Variants in RIT2 observed in about 807,000 individuals in gnomAD.
RIT2 encodes GTP-binding protein Rit2.
Under a neutral mutation model 23.7 loss-of-function variants are expected in RIT2, and 24 were observed. The observed-to-expected ratio is 1.01, with a 90% CI of 0.73 to 1.43. The LOEUF is 1.43. Among genes scored for constraint, RIT2 ranks in the 40% most tolerant of loss-of-function variants. The probability of loss-of-function intolerance (pLI) is 0.00; values close to 1 mark genes in which losing one functional copy is unlikely to be tolerated. For missense variants in RIT2, 236 were observed against 266.9 expected (o/e 0.88, Z 0.81); for synonymous variants, 107 against 91.1 (o/e 1.17, Z -0.99).
intron 1 of RIT2, among the ~76,000 whole-genome samples, chr18:43,109,101 G>A (rs895991052): frequency 6.6e-6 from 1 of 152,184 alleles, no homozygotes; most frequent in African/African-American, 2.4e-5. Flanking sequence ...GAGGTGGAAG[G>A]AATTGGTTGT....
intron 1 of RIT2, among the ~76,000 whole-genome samples, chr18:43,100,234 A>C (rs963741612): frequency 2.0e-5 from 3 of 152,128 alleles, no homozygotes; most frequent in Admixed American, 1.3e-4. Flanking sequence ...CTTGAAAAAG[A>C]TAGAGTAAGC....
At chr18:42,910,443 G>A (rs565167573) in intron 4 of RIT2, among the ~76,000 whole-genome samples, 1 of 152,136 alleles carries the variant, frequency 6.6e-6, no homozygotes, top group Middle Eastern at 3.4e-3. Context: ...TGTCAAGCCT[G>A]GAAACCCACA....
chr18:42,879,061 T>C (rs1054613440), intron 4 of RIT2, among the ~76,000 whole-genome samples: 2 of 152,244 alleles, frequency 1.3e-5, no homozygotes, highest in Admixed American at 6.5e-5. Flanking sequence ...TTTCTCTCAA[T>C]ATATTTAAAT....
intron 4 of RIT2, among the ~76,000 whole-genome samples, chr18:42,753,434 G>C (rs1207095857): frequency 6.6e-6 from 1 of 152,170 alleles, no homozygotes; most frequent in African/African-American, 2.4e-5. Flanking sequence ...GAGACTGGCA[G>C]AAAGATGGGT....
At chr18:42,744,469 CAAT>C (rs1216534465) in intron 4 of RIT2, among the ~76,000 whole-genome samples, 3 of 152,096 alleles carry the variant, frequency 2.0e-5, no homozygotes, top group Non-Finnish European at 4.4e-5. Context: ...TTCAAAAAAG[CAAT>C]ATAGCAAAGT....
intron 4 of RIT2, among the ~76,000 whole-genome samples, chr18:42,744,146 T>C (rs1912864077): frequency 6.6e-6 from 1 of 151,904 alleles, no homozygotes; most frequent in Non-Finnish European, 1.5e-5. Flanking sequence ...TTGACTGTAA[T>C]TTTCCTTTAC....
At chr18:43,057,504 T>C (rs1912532388) in intron 1 of RIT2, among the ~76,000 whole-genome samples, 2 of 152,186 alleles carry the variant, frequency 1.3e-5, no homozygotes. Context: ...ATGAATCTCA[T>C]GTTTCAACAC....
intron 4 of RIT2, among the ~76,000 whole-genome samples, chr18:42,756,855 T>G (rs1913175637): frequency 6.6e-6 from 1 of 150,398 alleles, no homozygotes; most frequent in African/African-American, 2.4e-5. Flanking sequence ...TTTTATTATT[T>G]AATCTATTCT....
intron 2 of RIT2, among the ~76,000 whole-genome samples, chr18:43,001,125 T>C (rs909339218): frequency 1.3e-5 from 2 of 152,044 alleles, no homozygotes; most frequent in South Asian, 2.1e-4. Context: ...TGCAGTGGGA[T>C]AGCACTCTGA....
chr18:43,100,551 T>C (rs1913659485), intron 1 of RIT2, among the ~76,000 whole-genome samples: 1 of 152,074 alleles, frequency 6.6e-6, no homozygotes, highest in Admixed American at 6.6e-5. Context: ...AATTGAAACA[T>C]GGAGAAGGGC....
In RIT2 at chr18:42,796,451, C is replaced by G. The variant is rs575768631; in HGVS notation, c.427-52731G>C. Among the ~76,000 whole-genome samples the G allele has an allele frequency of 3.2e-5, 4 of 126,030 alleles. No individual in the cohort carries two copies. In the East Asian group the frequency reaches 7.6e-4, roughly 24 times the overall value. 82.7% of individuals were successfully genotyped at this position (126,030 alleles called of 152,430 possible). A position where few individuals can be genotyped will look rare whatever the true frequency, so the allele number is the denominator to read the frequency against. ...GCTTCATTCTTGAAGTCAGTGAGAC[C>G]AAGAACCCACCAATTCCGGACACAG... On this transcript the variant is annotated intron_variant, in intron 4 of 4. Transcript: ENST00000326695.
intron 4 of RIT2, among the ~76,000 whole-genome samples, chr18:42,784,404 T>C (rs978324320): frequency 6.6e-6 from 1 of 152,084 alleles, no homozygotes; most frequent in Non-Finnish European, 1.5e-5. Flanking sequence ...CTTTTAGCTG[T>C]CAGGCAAATT....
intron 1 of RIT2, among the ~76,000 whole-genome samples, chr18:43,047,812 G>T (rs1355100064): frequency 1.3e-5 from 2 of 152,050 alleles, no homozygotes; most frequent in African/African-American, 4.8e-5. Context: ...TTAAAGTTTT[G>T]CTTGCTTTGT....
At chr18:42,755,062 A>T (rs1195723895) in intron 4 of RIT2, among the ~76,000 whole-genome samples, 1 of 152,170 alleles carries the variant, frequency 6.6e-6, no homozygotes, top group African/African-American at 2.4e-5. Flanking sequence ...TGGTAATAGG[A>T]TTCAATGAGC....
At chr18:42,855,214 C>T (rs546913052) in intron 4 of RIT2, among the ~76,000 whole-genome samples, 4 of 152,230 alleles carry the variant, frequency 2.6e-5, no homozygotes, top group South Asian at 4.2e-4. Flanking sequence ...CTTGAGATAA[C>T]AAGGCCTGGT....
intron 2 of RIT2, among the ~76,000 whole-genome samples, chr18:43,030,980 G>T (rs1211820966): frequency 2.0e-5 from 3 of 151,988 alleles, no homozygotes; most frequent in Admixed American, 1.3e-4. Context: ...AAGACTGTAG[G>T]TATCTAAACC....
chr18:43,023,191 C>G (rs1911636241), intron 2 of RIT2, among the ~76,000 whole-genome samples: 1 of 152,030 alleles, frequency 6.6e-6, no homozygotes, highest in Non-Finnish European at 1.5e-5. Flanking sequence ...TCAATAGAAA[C>G]TTCACATAGT....
intron 4 of RIT2, among the ~76,000 whole-genome samples, chr18:42,750,737 A>G (rs1913026689): frequency 1.3e-5 from 2 of 151,858 alleles, no homozygotes; most frequent in Non-Finnish European, 3.0e-5. Flanking sequence ...GACAAATTGT[A>G]GACTTGTATT....
chr18:42,863,577 AG>A, intron 4 of RIT2, among the ~76,000 whole-genome samples: 1 of 152,184 alleles, frequency 6.6e-6, no homozygotes, highest in Non-Finnish European at 1.5e-5. Context: ...ACCTCTTATA[AG>A]CAGTAACATA....
Sources: gnomAD v4.1 joint callset for allele counts (sites outside exome capture counted in the v4.1 genomes callset) on GRCh38, gnomAD v4.1.1 for gene constraint, MANE v1.5 for transcripts, NCBI Gene and HGNC (gene_info 2026-07-23, HGNC 2026-07-21) for gene names.